Variants in TMEM74 observed in about 807,000 individuals in gnomAD.
TMEM74 encodes the protein transmembrane protein 74.
TMEM74 carries 13 observed loss-of-function variants against 18.1 expected under a neutral mutation model. That is an observed-to-expected ratio of 0.72 (90% CI 0.47 to 1.14). The LOEUF (loss-of-function observed/expected upper bound fraction) is 1.14. Ranked by LOEUF, TMEM74 falls within the 50% of genes most tolerant of loss-of-function variation. The pLI, the probability that TMEM74 is intolerant of heterozygous loss-of-function variation, is 0.00. For missense variants in TMEM74, 372 were observed against 375.9 expected (o/e 0.99, Z 0.09); for synonymous variants, 159 against 146.6 (o/e 1.08, Z -0.61).
At chr8:108,706,542 G>A (rs1162311045) in intron 1 of TMEM74, among the ~76,000 whole-genome samples, 1 of 152,052 alleles carries the variant, frequency 6.6e-6, no homozygotes, top group African/African-American at 2.4e-5. Context: ...CATTGAAGGT[G>A]GTGGGAATCA....
chr8:108,702,206 T>C (rs764768449), intron 1 of TMEM74, among the ~76,000 whole-genome samples: 10 of 151,706 alleles, frequency 6.6e-5, no homozygotes, highest in African/African-American at 1.5e-4. Context: ...TAGCCAGGTG[T>C]GGTGGTGGGC....
chr8:108,750,387 A>T (rs1436484571), intron 1 of TMEM74, among the ~76,000 whole-genome samples: 1 of 152,182 alleles, frequency 6.6e-6, no homozygotes, highest in Non-Finnish European at 1.5e-5. Flanking sequence ...TGCATCAAGG[A>T]ACTCATAAGT....
chr8:108,706,776 G>GGGGTGTGTGT (rs145501229), intron 1 of TMEM74, among the ~76,000 whole-genome samples: 5 of 144,870 alleles, frequency 3.5e-5, no homozygotes, highest in Admixed American at 1.4e-4. Flanking sequence ...AATTACAAGG[G>GGGGTGTGTGT]GTGTGTGTGT....
At position 108,612,495 on chromosome 8, in the gene TMEM74, G is replaced by T. The variant is rs1289765590; in HGVS notation, n.265-3669C>A. On this transcript the variant is annotated intron_variant and non_coding_transcript_variant, in intron 2 of 3. Coordinates refer to the TMEM74 transcript ENST00000518838. ...AATTGCATGTAGCTAACCAATGTCA[G>T]ATCTGGGTCAAATCTAGTTTATCTC... Among the ~76,000 whole-genome samples the T allele has an allele frequency of 2.6e-5, 4 of 152,180 alleles. 1 individual carries two copies. The highest frequency in any genetic ancestry group is 2.6e-4 in the Admixed American group (4 of 15,280).
At chr8:108,630,105 A>T (rs1812535678) in intron 2 of TMEM74, among the ~76,000 whole-genome samples, 1 of 152,128 alleles carries the variant, frequency 6.6e-6, no homozygotes, top group Non-Finnish European at 1.5e-5. Context: ...ACATGCAAAG[A>T]CATGCATAGG....
chr8:108,631,784 A>G (rs2130553128), intron 2 of TMEM74, among the ~76,000 whole-genome samples: 1 of 151,992 alleles, frequency 6.6e-6, no homozygotes, highest in East Asian at 1.9e-4. Context: ...TTATTCCTCT[A>G]TTTTTGTAAA....
Position 108,784,016 on chromosome 8 carries a change from C to T in TMEM74, c.*165G>A. On this transcript the variant is annotated 3_prime_UTR_variant, in exon 2 of 2. Transcript: ENST00000297459. ...TTCTTATACATCTTACATGGCTTTT[C>T]TTCTAAATAGAAGACACATAGAGAA... The T allele has an allele frequency of 1.7e-6, 1 of 573,950 alleles. No individual in the cohort carries two copies. The highest frequency in any genetic ancestry group is 2.9e-6 in the Non-Finnish European group (1 of 339,204). The allele number at this position is 573,950 out of a possible 1,614,324, so 35.6% of individuals were successfully genotyped here. A position where few individuals can be genotyped will look rare whatever the true frequency, so the allele number is the denominator to read the frequency against.
At chr8:108,751,612 G>A (rs1813904828) in intron 1 of TMEM74, among the ~76,000 whole-genome samples, 1 of 151,956 alleles carries the variant, frequency 6.6e-6, no homozygotes, top group African/African-American at 2.4e-5. Flanking sequence ...TTTAATGGGA[G>A]GAAAGCTCTG....
At position 108,741,601 on chromosome 8, in the gene TMEM74, G is replaced by A. The variant is rs575658843; in HGVS notation, n.119+45875C>T. 3.9e-5 allele frequency among the ~76,000 whole-genome samples: 6 copies of A among 152,208 alleles called. No homozygotes were observed. The South Asian group carries it at 1.2e-3, about 32-fold the overall frequency. On this transcript the variant is annotated intron_variant and non_coding_transcript_variant, in intron 1 of 3. Coordinates refer to the TMEM74 transcript ENST00000518838. ...TTAAGTAAAAAAATTACAAGATGTA[G>A]AATGATGTTTATATTATGCTTCAGC...
chr8:108,718,278 AC>A (rs1173951116), intron 1 of TMEM74, among the ~76,000 whole-genome samples: 2 of 151,782 alleles, frequency 1.3e-5, no homozygotes, highest in Admixed American at 6.6e-5. Flanking sequence ...TTTTAAAAGG[AC>A]CCCCTGGCTG....
At chr8:108,612,388 TG>T (rs1231723439) in intron 2 of TMEM74, among the ~76,000 whole-genome samples, 1 of 152,132 alleles carries the variant, frequency 6.6e-6, no homozygotes, top group Non-Finnish European at 1.5e-5. Context: ...GAATAACAAA[TG>T]GTGATTATTT....
chr8:108,616,934 G>A (rs911268335), intron 2 of TMEM74, among the ~76,000 whole-genome samples: 2 of 151,364 alleles, frequency 1.3e-5, no homozygotes, highest in East Asian at 3.9e-4. Context: ...TTTATATATA[G>A]TGACTATATT....
rs1206741370 is a variant in TMEM74 at position 108,784,717 on chromosome 8, G to A, written c.382C>T (p.Pro128Ser). The A allele has an allele frequency of 1.2e-6, 2 of 1,614,130 alleles. No individual in the cohort carries two copies. Among genetic ancestry groups the A allele is most frequent in the East Asian group, 2.2e-5 (1 of 44,880 alleles). Residue 128 changes from proline (P) to serine (S), a missense_variant, in exon 2 of 2, where the codon CCA (proline) becomes TCA (serine). Physicochemically the swap from Pro to Ser is moderately conservative, Grantham distance 74. Transcript: ENST00000297459. ...GGGTGATTATGCCCTTTTGCTGATG[G>A]CGAGCTCCGGTTCCGCTGCTCCAAG... Reference protein sequence around the residue: ...INLEQRNRSSPSAKGHNHPGE... With the variant: ...INLEQRNRSSSSAKGHNHPGE...
chr8:108,763,586 A>G (rs1489201061), intron 1 of TMEM74, among the ~76,000 whole-genome samples: 1 of 152,162 alleles, frequency 6.6e-6, no homozygotes, highest in Non-Finnish European at 1.5e-5. Flanking sequence ...ATTAATTTAT[A>G]CCTTGGGTAA....
intron 1 of TMEM74, among the ~76,000 whole-genome samples, chr8:108,669,496 A>G (rs1307297808): frequency 6.6e-6 from 1 of 152,220 alleles, no homozygotes; most frequent in African/African-American, 2.4e-5. Context: ...TGTAAGGAGT[A>G]GAAGAAAATC....
chr8:108,653,055 A>G (rs576487484), intron 2 of TMEM74: 165 of 177,218 alleles, frequency 9.3e-4, no homozygotes, highest in Non-Finnish European at 1.7e-3. Context: ...CGAAGTTTGT[A>G]TCTTTGATGG....
chr8:108,720,148 C>T (rs530781540), intron 1 of TMEM74, among the ~76,000 whole-genome samples: 1 of 151,988 alleles, frequency 6.6e-6, no homozygotes, highest in Non-Finnish European at 1.5e-5. Flanking sequence ...TTCAAAATCA[C>T]TCCACAAGGG....
chr8:108,608,307 A>G (rs1000846818), intron 3 of TMEM74, among the ~76,000 whole-genome samples: 12 of 147,838 alleles, frequency 8.1e-5, no homozygotes, highest in Admixed American at 3.4e-4. Flanking sequence ...TCAAAAAAAA[A>G]AAAAAAAGAA....
chr8:108,627,933 T>C (rs1157767924), intron 2 of TMEM74, among the ~76,000 whole-genome samples: 1 of 151,998 alleles, frequency 6.6e-6, no homozygotes, highest in Non-Finnish European at 1.5e-5. Context: ...TGCATGCCTG[T>C]AATCCCAGCT....
Sources: gnomAD v4.1 joint callset for allele counts (sites outside exome capture counted in the v4.1 genomes callset) on GRCh38, gnomAD v4.1.1 for gene constraint, MANE v1.5 for transcripts, NCBI Gene and HGNC (gene_info 2026-07-23, HGNC 2026-07-21) for gene names.